The following APBA1 variants were observed in gnomAD, a reference collection of about 807,000 sequenced individuals.
The protein encoded by APBA1 is amyloid-beta A4 precursor protein-binding family A member 1.
In APBA1, 55 loss-of-function variants were observed where a neutral mutation model predicts 86.6. That is an observed-to-expected ratio of 0.64 (90% CI 0.51 to 0.80). APBA1 has a LOEUF of 0.80. Ranked by LOEUF, APBA1 falls within the 30% of genes least tolerant of loss-of-function variation. The pLI is 0.00. For synonymous variants in APBA1, 511 were observed against 493.9 expected, an observed-to-expected ratio of 1.03 and a Z score of -0.46; for missense variants, 1,090 against 1,183.0, an observed-to-expected ratio of 0.92 and a Z score of 1.15.
chr9:69,576,623 T>C lies in APBA1; in HGVS notation c.-69-59344A>G, dbSNP rs901762396. Among the ~76,000 whole-genome samples the C allele has an allele frequency of 9.2e-5, 14 of 151,822 alleles. No homozygotes were observed. The South Asian group carries it at 2.9e-3, about 32-fold the overall frequency. On this transcript the variant is annotated intron_variant, in intron 1 of 12. Coordinates refer to ENST00000265381, the MANE Select transcript of APBA1 (RefSeq NM_001163.4). ...TCGCAAGGACAAAAAACCAAACACC[T>C]CATGTTCTCACTCATAGGTAGGAAT... is the stretch of plus-strand genomic sequence containing the variant.
At chr9:69,473,046 C>T (rs1261520143) in intron 3 of APBA1, among the ~76,000 whole-genome samples, 1 of 152,104 alleles carries the variant, frequency 6.6e-6, no homozygotes, top group Non-Finnish European at 1.5e-5. Flanking sequence ...TGCATGTGTG[C>T]TCACTGGGAT....
At chr9:69,543,277 C>T (rs79810472) in intron 1 of APBA1, among the ~76,000 whole-genome samples, 6 of 316 alleles carry the variant, frequency 0.019, no homozygotes, top group South Asian at 0.17. Flanking sequence ...GCTGGGATTT[C>T]CCCCCCCCCC....
At chr9:69,639,756 T>C (rs1472661636) in intron 1 of APBA1, among the ~76,000 whole-genome samples, 1 of 152,188 alleles carries the variant, frequency 6.6e-6, no homozygotes, top group Non-Finnish European at 1.5e-5. Flanking sequence ...AAATTATATG[T>C]CAAGTAACCA....
intron 1 of APBA1, among the ~76,000 whole-genome samples, chr9:69,534,677 A>G (rs960992027): frequency 6.6e-6 from 1 of 152,148 alleles, no homozygotes; most frequent in Admixed American, 6.6e-5. Flanking sequence ...AATGAGCCTA[A>G]CTCTCAGCTT....
rs1184320727 is a variant in APBA1, at chr9:69,493,485, T to C, written c.1201-17342A>G. ...TTAAGGGAAAGGAAAGCCCCTCTTG[T>C]AAGAACTATCTGCATGCATTGTGTT... On this transcript the variant is annotated intron_variant, in intron 2 of 12. Coordinates refer to ENST00000265381, the MANE Select transcript of APBA1 (RefSeq NM_001163.4). 3.3e-5 allele frequency among the ~76,000 whole-genome samples: 5 copies of C among 152,082 alleles called. No homozygotes were observed. In the East Asian group the frequency reaches 7.7e-4, roughly 23 times the overall value.
chr9:69,648,263 T>C (rs1176691326), intron 1 of APBA1, among the ~76,000 whole-genome samples: 2 of 152,188 alleles, frequency 1.3e-5, no homozygotes, highest in Non-Finnish European at 2.9e-5. Context: ...AACTCTCTCC[T>C]AGAGACCAGG....
intron 1 of APBA1, among the ~76,000 whole-genome samples, chr9:69,654,129 A>AT (rs1392389608): frequency 6.6e-5 from 10 of 151,714 alleles, no homozygotes; most frequent in Non-Finnish European, 1.0e-4. Context: ...AAAAAAAAAA[A>AT]AAAAGAGGGA....
rs1215038586 is a variant in APBA1 at position 69,530,329 on chromosome 9, T to TACAC, written c.-69-13054_-69-13051dup. 1.6e-3 allele frequency among the ~76,000 whole-genome samples: 204 copies of TACAC among 127,578 alleles called. 2 individuals are homozygous for TACAC. The highest frequency in any genetic ancestry group is 5.6e-3 in the African/African-American group (192 of 34,228). The allele number at this position is 127,578 out of a possible 152,430, so 83.7% of individuals were successfully genotyped here. On this transcript the variant is annotated intron_variant, in intron 1 of 12. Transcript: ENST00000265381. ...GTGTATATATATATATATATATATA[T>TACAC]ACACACACACACACACACACACACA...
intron 1 of APBA1, among the ~76,000 whole-genome samples, chr9:69,545,262 C>T (rs1836679982): frequency 6.6e-6 from 1 of 152,176 alleles, no homozygotes; most frequent in Non-Finnish European, 1.5e-5. Context: ...AAAGAACGGA[C>T]AGATGTGGGA....
intron 2 of APBA1, among the ~76,000 whole-genome samples, chr9:69,490,725 C>T (rs1201865248): frequency 6.6e-6 from 1 of 152,000 alleles, no homozygotes; most frequent in Non-Finnish European, 1.5e-5. Context: ...GGCTAATATC[C>T]AGAGTCTACA....
At position 69,658,476 on chromosome 9, in the gene APBA1, C is replaced by A. The variant is rs372270164; in HGVS notation, c.-70+13677G>T. On this transcript the variant is annotated intron_variant, in intron 1 of 12. Transcript: ENST00000265381. ...CACCCAGGCTGCCACGATCTTGGCT[C>A]ACTGCAACCTCCACCTCCTGGGTTC... 3.3e-5 allele frequency among the ~76,000 whole-genome samples: 5 copies of A among 151,118 alleles called. No individual in the cohort carries two copies. In the East Asian group the frequency reaches 9.7e-4, roughly 29 times the overall value.
chr9:69,452,529 G>A (rs117555438), intron 8 of APBA1, among the ~76,000 whole-genome samples: 52 of 152,320 alleles, frequency 3.4e-4, no homozygotes, highest in African/African-American at 1.2e-3. Context: ...GGGAGCTACC[G>A]GCATTCAGCA....
In APBA1 at chr9:69,485,016, A is replaced by G. The variant is rs144227476; in HGVS notation, c.1201-8873T>C. Among the ~76,000 whole-genome samples the G allele has an allele frequency of 4.0e-5, 6 of 150,860 alleles. No individual in the cohort carries two copies. In the East Asian group the frequency reaches 7.8e-4, roughly 20 times the overall value. On this transcript the variant is annotated intron_variant, in intron 2 of 12. Coordinates refer to ENST00000265381, the MANE Select transcript of APBA1 (RefSeq NM_001163.4). ...TTTTTTGTAGAGACAGGGTCTCACT[A>G]TGTTGCCCAGGCAGGTCTTGAACTC...
chr9:69,619,624 A>G (rs1032001767), intron 1 of APBA1, among the ~76,000 whole-genome samples: 29 of 152,328 alleles, frequency 1.9e-4, no homozygotes, highest in African/African-American at 6.5e-4. Context: ...AGTTATTCAG[A>G]CACAGGCTCC....
intron 12 of APBA1, 89 bp from the exon 13 acceptor site, chr9:69,431,487 C>A: frequency 8.6e-7 from 1 of 1,161,408 alleles, no homozygotes; most frequent in South Asian, 1.4e-5. Flanking sequence ...GAGGCAGTGC[C>A]TCTCCCACAG....
At chr9:69,435,010 T>C (rs1489361491) in intron 11 of APBA1, among the ~76,000 whole-genome samples, 1 of 144,704 alleles carries the variant, frequency 6.9e-6, no homozygotes, top group African/African-American at 2.6e-5. Flanking sequence ...GTGTTCTCAT[T>C]GTTCAATTCC....
At chr9:69,502,805 T>C (rs1835899596) in intron 2 of APBA1, among the ~76,000 whole-genome samples, 1 of 152,122 alleles carries the variant, frequency 6.6e-6, no homozygotes, top group Non-Finnish European at 1.5e-5. Flanking sequence ...TCACTCCCAC[T>C]GCAGTTAGTA....
chr9:69,495,848 T>C (rs1835786184), intron 2 of APBA1, among the ~76,000 whole-genome samples: 2 of 152,026 alleles, frequency 1.3e-5, no homozygotes, highest in African/African-American at 4.8e-5. Flanking sequence ...GGGCATGTGG[T>C]GCGAGCCTGG....
intron 1 of APBA1, among the ~76,000 whole-genome samples, chr9:69,572,774 C>T (rs1837136408): frequency 6.6e-6 from 1 of 152,216 alleles, no homozygotes; most frequent in African/African-American, 2.4e-5. Context: ...ATCCTGAATG[C>T]TTATTTACCA....
Sources: gnomAD v4.1 joint callset for allele counts (sites outside exome capture counted in the v4.1 genomes callset) on GRCh38, gnomAD v4.1.1 for gene constraint, MANE v1.5 for transcripts, NCBI Gene and HGNC (gene_info 2026-07-23, HGNC 2026-07-21) for gene names.